Variants in EFHD1 observed in about 807,000 individuals in gnomAD.
The protein encoded by EFHD1 is EF-hand domain family member D1, also known as EF-hand domain-containing protein D1.
Under a neutral mutation model 17.2 loss-of-function variants are expected in EFHD1, and 10 were observed. The observed-to-expected ratio is 0.58, with a 90% CI of 0.36 to 0.99. EFHD1 has a LOEUF of 0.99. Ranked by LOEUF, EFHD1 falls within the 50% of genes least tolerant of loss-of-function variation. The pLI, the probability that EFHD1 is intolerant of heterozygous loss-of-function variation, is 0.01. For missense variants in EFHD1, 310 were observed against 327.5 expected, an observed-to-expected ratio of 0.95 and a Z score of 0.41; for synonymous variants, 153 against 142.0, an observed-to-expected ratio of 1.08 and a Z score of -0.55.
At chr2:232,622,491 G>A (rs1212001193) in intron 1 of EFHD1, among the ~76,000 whole-genome samples, 1 of 144,490 alleles carries the variant, frequency 6.9e-6, no homozygotes, top group Non-Finnish European at 1.5e-5. Flanking sequence ...GGGTGGGGGG[G>A]AAGACATCTG....
chr2:232,658,839 C>T lies in EFHD1; in HGVS notation c.303-3963C>T, dbSNP rs960574197. On this transcript the variant is annotated intron_variant, in intron 1 of 3. Transcript: ENST00000264059. Reference sequence around the variant, plus strand: ...TGGAATTACATGGTAATGATGTTGGCACAACCTGAATATACTAAAAATTAA... The same window carrying T: ...TGGAATTACATGGTAATGATGTTGGTACAACCTGAATATACTAAAAATTAA... 2.0e-5 allele frequency among the ~76,000 whole-genome samples: 3 copies of T among 152,186 alleles called. No individual in the cohort carries two copies. In the East Asian group the frequency reaches 5.8e-4, roughly 29 times the overall value.
At chr2:232,644,576 G>C (rs565819238) in intron 1 of EFHD1, among the ~76,000 whole-genome samples, 1 of 151,272 alleles carries the variant, frequency 6.6e-6, no homozygotes, top group Admixed American at 6.6e-5. Context: ...GCAGTGGTGC[G>C]ATCTCGGCTC....
At chr2:232,627,928 T>C (rs1196033867) in intron 1 of EFHD1, among the ~76,000 whole-genome samples, 1 of 152,304 alleles carries the variant, frequency 6.6e-6, no homozygotes, top group Middle Eastern at 3.4e-3. Context: ...GTTTTTGGTG[T>C]ATTTCCAGAG....
chr2:232,673,571 T>C (rs930557535), intron 3 of EFHD1, among the ~76,000 whole-genome samples: 2 of 152,172 alleles, frequency 1.3e-5, no homozygotes, highest in African/African-American at 4.8e-5. Flanking sequence ...TAGAAAACTC[T>C]GCTTCATCCA....
intron 1 of EFHD1, among the ~76,000 whole-genome samples, chr2:232,660,722 A>G (rs1417164422): frequency 6.6e-6 from 1 of 152,018 alleles, no homozygotes; most frequent in African/African-American, 2.4e-5. Flanking sequence ...TCATGTCTGT[A>G]ATCCCAAGAC....
At chr2:232,608,331 C>T (rs183454657) in intron 1 of EFHD1, among the ~76,000 whole-genome samples, 26 of 152,314 alleles carry the variant, frequency 1.7e-4, no homozygotes, top group Middle Eastern at 3.4e-3. Context: ...GATTGGGTCA[C>T]TGCACTCCAG....
At chr2:232,662,255 A>G (rs1290599273) in intron 1 of EFHD1, among the ~76,000 whole-genome samples, 1 of 152,132 alleles carries the variant, frequency 6.6e-6, no homozygotes, top group African/African-American at 2.4e-5. Flanking sequence ...AAGACGAGCG[A>G]ACCAGAGGGG....
chr2:232,671,036 A>G (rs933766730), intron 2 of EFHD1, among the ~76,000 whole-genome samples: 15 of 152,326 alleles, frequency 9.8e-5, no homozygotes, highest in African/African-American at 3.6e-4. Context: ...ACTTTCATAG[A>G]TAATGTTTAA....
At chr2:232,656,051 C>T (rs944861228) in intron 1 of EFHD1, among the ~76,000 whole-genome samples, 1 of 152,062 alleles carries the variant, frequency 6.6e-6, no homozygotes, top group African/African-American at 2.4e-5. Flanking sequence ...CGTGATCCAC[C>T]CACCTCGGCC....
intron 2 of EFHD1, among the ~76,000 whole-genome samples, chr2:232,667,609 A>G (rs145695956): frequency 0.01 from 1,577 of 151,964 alleles, 24 homozygotes; most frequent in African/African-American, 0.034. Flanking sequence ...CTGGAGTGCA[A>G]TGGTGCAATC....
At position 232,682,711 on chromosome 2, in the gene EFHD1, CTAA is replaced by C; in HGVS notation, c.*994_*996del. Reference sequence around the variant, plus strand: ...TTGTTGTATTTTTAACAAATATATCCTAATGTCATATTTATTCTCTTTTGTAAC... The same window carrying C: ...TTGTTGTATTTTTAACAAATATATCCTGTCATATTTATTCTCTTTTGTAAC... On this transcript the variant is annotated 3_prime_UTR_variant, in exon 4 of 4. Transcript: ENST00000264059. 6.6e-6 allele frequency: 1 copy of C among 152,238 alleles called. No individual in the cohort carries two copies. The highest frequency in any genetic ancestry group is 2.1e-4 in the South Asian group (1 of 4,824). 9.4% of individuals were successfully genotyped at this position (152,238 alleles called of 1,614,324 possible). A position where few individuals can be genotyped will look rare whatever the true frequency, so the allele number is the denominator to read the frequency against.
At chr2:232,658,311 A>T (rs749387168) in intron 1 of EFHD1, among the ~76,000 whole-genome samples, 1 of 152,136 alleles carries the variant, frequency 6.6e-6, no homozygotes, top group Non-Finnish European at 1.5e-5. Flanking sequence ...AGCGAATCTG[A>T]GAGTCAGCAC....
upstream of EFHD1, among the ~76,000 whole-genome samples, chr2:232,629,607 T>C (rs974063180): frequency 1.3e-5 from 2 of 152,086 alleles, no homozygotes; most frequent in African/African-American, 4.8e-5. Context: ...TACCTGGGAC[T>C]ACAGGTGCGT....
chr2:232,643,201 AAG>A (rs1694464424), intron 1 of EFHD1, among the ~76,000 whole-genome samples: 3 of 152,098 alleles, frequency 2.0e-5, no homozygotes, highest in East Asian at 3.9e-4. Flanking sequence ...GAAAAAAAAA[AAG>A]AAAAAATAAA....
intron 1 of EFHD1, among the ~76,000 whole-genome samples, chr2:232,657,274 A>C (rs1162563147): frequency 6.6e-6 from 1 of 152,118 alleles, no homozygotes; most frequent in East Asian, 1.9e-4. Flanking sequence ...TGTCTCGATG[A>C]TTTTGACTAC....
At chr2:232,611,820 C>G (rs1693820527) in intron 1 of EFHD1, 1 of 152,268 alleles carries the variant, frequency 6.6e-6, no homozygotes. Context: ...CAGGGGGCAG[C>G]CTGTCAAAGA....
intron 1 of EFHD1, among the ~76,000 whole-genome samples, chr2:232,656,775 A>T (rs1318543394): frequency 6.6e-6 from 1 of 152,014 alleles, no homozygotes; most frequent in African/African-American, 2.4e-5. Flanking sequence ...TGAGATATAC[A>T]TAATGTGAAA....
intron 1 of EFHD1, among the ~76,000 whole-genome samples, chr2:232,642,373 CAAAAAAAAAAAA>C (rs764647177): frequency 0.024 from 1,690 of 69,070 alleles, 55 homozygotes; most frequent in African/African-American, 0.09. Context: ...GACTCTGTCT[CAAAAAAAAAAAA>C]AAAAAAAAAA....
intron 1 of EFHD1, among the ~76,000 whole-genome samples, chr2:232,653,634 T>G (rs1288812478): frequency 6.6e-6 from 1 of 152,198 alleles, no homozygotes; most frequent in Non-Finnish European, 1.5e-5. Context: ...AAAGGGAACT[T>G]GGCTGATGCT....
Sources: gnomAD v4.1 joint callset for allele counts (sites outside exome capture counted in the v4.1 genomes callset) on GRCh38, gnomAD v4.1.1 for gene constraint, MANE v1.5 for transcripts, NCBI Gene and HGNC (gene_info 2026-07-23, HGNC 2026-07-21) for gene names.